IPPK: variants seen among roughly 807,000 people sequenced by gnomAD.
The protein encoded by IPPK is IPK1 homolog.
A neutral mutation model predicts 64.6 loss-of-function variants in IPPK; 22 were observed. The observed-to-expected ratio is 0.34, with a 90% CI of 0.24 to 0.49. IPPK has a LOEUF of 0.49. Ranked by LOEUF, IPPK falls within the 20% of genes least tolerant of loss-of-function variation. IPPK has a pLI of 0.99. For synonymous variants in IPPK, 262 were observed against 247.2 expected (o/e 1.06, Z -0.56); for missense variants, 532 against 630.7 (o/e 0.84, Z 1.68).
intron 2 of IPPK, among the ~76,000 whole-genome samples, chr9:92,657,831 C>T (rs973838741): frequency 4.6e-5 from 7 of 151,994 alleles, no homozygotes; most frequent in Non-Finnish European, 8.8e-5. Context: ...CCACCCACCA[C>T]CACCCCCCGG....
chr9:92,623,849 C>T (rs1263915669), intron 11 of IPPK, among the ~76,000 whole-genome samples: 4 of 152,248 alleles, frequency 2.6e-5, no homozygotes, highest in Non-Finnish European at 5.9e-5. Flanking sequence ...AGAAATCCCA[C>T]TCCTAGGGAT....
At chr9:92,629,013 A>C (rs1288042738) in intron 11 of IPPK, among the ~76,000 whole-genome samples, 1 of 152,142 alleles carries the variant, frequency 6.6e-6, no homozygotes, top group Non-Finnish European at 1.5e-5. Flanking sequence ...ACTCGAGCCC[A>C]GGAGTTTGAA....
At chr9:92,669,884 CT>C in intron 1 of IPPK, 23 bp downstream of exon 1, 1 of 1,581,838 alleles carries the variant, frequency 6.3e-7, no homozygotes, top group Non-Finnish European at 8.7e-7. Flanking sequence ...GGTACCGGAC[CT>C]GCGCCGCACG....
At chr9:92,633,421 T>A (rs1851881716) in intron 11 of IPPK, among the ~76,000 whole-genome samples, 2 of 151,906 alleles carry the variant, frequency 1.3e-5, no homozygotes, top group African/African-American at 4.8e-5. Flanking sequence ...TCACCCAGGC[T>A]GGAGCACAGC....
intron 1 of IPPK, among the ~76,000 whole-genome samples, chr9:92,669,200 T>C (rs956534926): frequency 1.3e-5 from 2 of 151,816 alleles, no homozygotes; most frequent in Admixed American, 6.6e-5. Flanking sequence ...CCGGCCACAT[T>C]CCTGCGTGGT....
intron 8 of IPPK, among the ~76,000 whole-genome samples, chr9:92,638,941 A>G (rs1365265889): frequency 6.6e-6 from 1 of 152,238 alleles, no homozygotes; most frequent in Non-Finnish European, 1.5e-5. Context: ...GGGGGAGTCA[A>G]CACCATGACT....
chr9:92,621,759 CT>C (rs1851639537), intron 11 of IPPK, among the ~76,000 whole-genome samples: 1 of 152,134 alleles, frequency 6.6e-6, no homozygotes, highest in Admixed American at 6.5e-5. Context: ...TCAAGTGATC[CT>C]CCCACCTTGG....
intron 11 of IPPK, among the ~76,000 whole-genome samples, chr9:92,622,195 A>G (rs1851652036): frequency 6.6e-6 from 1 of 152,230 alleles, no homozygotes; most frequent in Admixed American, 6.5e-5. Flanking sequence ...ATCTGATGTC[A>G]GCCACTTAAG....
chr9:92,631,532 A>T (rs531733931), intron 11 of IPPK, among the ~76,000 whole-genome samples: 23 of 152,316 alleles, frequency 1.5e-4, no homozygotes, highest in Admixed American at 1.2e-3. Flanking sequence ...TTTGTGTAGG[A>T]AGGAATGTCC....
Position 92,616,034 on chromosome 9 carries a change from G to A in IPPK, c.1274C>T (p.Pro425Leu), listed in dbSNP as rs1384207152. The A allele has an allele frequency of 2.5e-6, 4 of 1,613,888 alleles. No homozygotes were observed. Among genetic ancestry groups the A allele is most frequent in the Non-Finnish European group, 3.4e-6 (4 of 1,179,926 alleles). Reference protein sequence around the residue: ...DASSDQRPVVPSSRSRFAFSV... With the variant: ...DASSDQRPVVLSSRSRFAFSV... ...AAAGGCAAACCTGGACCTCGATGAAGGGACGACAGGCCTTTGATCAGAGCT... is the reference window on the plus strand; with the variant it reads ...AAAGGCAAACCTGGACCTCGATGAAAGGACGACAGGCCTTTGATCAGAGCT... Residue 425 changes from proline to leucine, a missense_variant, in exon 13 of 13, where the codon CCT becomes CTT. Pro to Leu is a moderately conservative substitution (Grantham distance 98). Coordinates refer to ENST00000287996, the MANE Select transcript of IPPK (RefSeq NM_022755.6).
chr9:92,640,620 G>A (rs768018118), intron 8 of IPPK, 90 bp downstream of exon 8: 2 of 867,862 alleles, frequency 2.3e-6, no homozygotes, highest in Non-Finnish European at 4.0e-6. Flanking sequence ...CACATGACGT[G>A]CAGCCCAGCC....
chr9:92,646,353 G>A (rs765369182), intron 6 of IPPK, among the ~76,000 whole-genome samples: 51 of 152,358 alleles, frequency 3.3e-4, no homozygotes, highest in Non-Finnish European at 4.6e-4. Context: ...CAGTCTTGAG[G>A]AAGAACCTTA....
intron 1 of IPPK, among the ~76,000 whole-genome samples, chr9:92,659,996 G>C (rs549168029): frequency 2.0e-5 from 3 of 152,084 alleles, no homozygotes; most frequent in Non-Finnish European, 4.4e-5. Context: ...CAAGCTGAAG[G>C]CAGGCATCAA....
At chr9:92,618,164 C>A (rs1319134733) in intron 12 of IPPK, 6 of 451,382 alleles carry the variant, frequency 1.3e-5, no homozygotes, top group South Asian at 9.3e-5. Context: ...GCCATGTTCT[C>A]GGAGGAGAAG....
intron 11 of IPPK, 65 bp downstream of exon 11, chr9:92,634,313 CAAAAAACA>C: frequency 8.9e-7 from 1 of 1,121,092 alleles, no homozygotes; most frequent in Non-Finnish European, 1.3e-6. Flanking sequence ...AAAAAAAATA[CAAAAAACA>C]AAAAAACAGA....
chr9:92,621,805 C>G (rs185341097), intron 11 of IPPK, among the ~76,000 whole-genome samples: 1 of 152,292 alleles, frequency 6.6e-6, no homozygotes, highest in Non-Finnish European at 1.5e-5. Context: ...GTGTGAGCCA[C>G]TGAACCCAGC....
chr9:92,655,249 G>A (rs1852348064), intron 3 of IPPK, among the ~76,000 whole-genome samples: 1 of 152,200 alleles, frequency 6.6e-6, no homozygotes, highest in African/African-American at 2.4e-5. Context: ...GTGGCCCTGT[G>A]TGGCCCTGCA....
intron 1 of IPPK, among the ~76,000 whole-genome samples, chr9:92,664,726 C>T (rs1019342281): frequency 2.0e-5 from 3 of 152,206 alleles, no homozygotes; most frequent in Non-Finnish European, 4.4e-5. Flanking sequence ...ATCTCCCAAC[C>T]GCTTGGCAAC....
At chr9:92,652,733 G>T in intron 3 of IPPK, 94 bp from the exon 4 acceptor site, 3 of 574,172 alleles carry the variant, frequency 5.2e-6, no homozygotes, top group Non-Finnish European at 6.1e-6. Context: ...TTGAGCTGTT[G>T]GTTTTTATGT....
Sources: allele counts gnomAD v4.1 joint callset (sites outside exome capture counted in the v4.1 genomes callset), GRCh38; gene constraint gnomAD v4.1.1; transcripts MANE v1.5; gene names NCBI Gene and HGNC (gene_info 2026-07-23, HGNC 2026-07-21).